ITPRID1: variants seen among roughly 807,000 people sequenced by gnomAD.
ITPRID1 encodes protein ITPRID1.
Under a neutral mutation model 95.4 loss-of-function variants are expected in ITPRID1, and 96 were observed. The observed-to-expected ratio is 1.01, with a 90% confidence interval of 0.85 to 1.19. The LOEUF is 1.19. Among genes scored for constraint, ITPRID1 ranks in the 50% most tolerant of loss-of-function variants. The pLI is 0.00. For missense variants in ITPRID1, 1,339 were observed against 1,252.9 expected (o/e 1.07, Z -1.04); for synonymous variants, 510 against 453.6 (o/e 1.12, Z -1.58).
intron 1 of ITPRID1, among the ~76,000 whole-genome samples, chr7:31,531,611 T>C (rs1217780903): frequency 6.6e-6 from 1 of 152,154 alleles, no homozygotes; most frequent in Non-Finnish European, 1.5e-5. Context: ...AGAAATGTAT[T>C]ACTCACAAGT....
At chr7:31,543,232 CAG>C (rs1280585107) in intron 1 of ITPRID1, among the ~76,000 whole-genome samples, 2 of 152,066 alleles carry the variant, frequency 1.3e-5, no homozygotes, top group South Asian at 4.2e-4. Context: ...ATAAGGAAAA[CAG>C]AGATTTTTCC....
chr7:31,557,079 A>G (rs1406345612), intron 5 of ITPRID1, among the ~76,000 whole-genome samples: 6 of 151,898 alleles, frequency 4.0e-5, no homozygotes, highest in African/African-American at 7.3e-5. Flanking sequence ...TCTTATAAAG[A>G]CACCAGTCAT....
chr7:31,540,391 C>T (rs1485593929), intron 1 of ITPRID1, among the ~76,000 whole-genome samples: 1 of 152,108 alleles, frequency 6.6e-6, no homozygotes, highest in Non-Finnish European at 1.5e-5. Flanking sequence ...GGCTTCAGGA[C>T]ACAGCTTATT....
intron 10 of ITPRID1, among the ~76,000 whole-genome samples, chr7:31,619,800 G>A (rs4446626): frequency 0.55 from 83,334 of 151,978 alleles, 23,333 homozygotes; most frequent in East Asian, 0.83. Flanking sequence ...GAAGCAGCGC[G>A]AGGCATTGCC....
At chr7:31,563,794 A>G (rs1583502690) in intron 5 of ITPRID1, among the ~76,000 whole-genome samples, 1 of 152,278 alleles carries the variant, frequency 6.6e-6, no homozygotes, top group East Asian at 1.9e-4. Context: ...GGTCAAAGAT[A>G]TCTGGAAATA....
At chr7:31,624,751 C>T (rs1435920135) in intron 10 of ITPRID1, among the ~76,000 whole-genome samples, 7 of 151,766 alleles carry the variant, frequency 4.6e-5, no homozygotes, top group African/African-American at 1.7e-4. Context: ...GCAATGGCAA[C>T]AAAAGCCAAA....
intron 10 of ITPRID1, among the ~76,000 whole-genome samples, chr7:31,608,380 G>A (rs1443666889): frequency 6.6e-6 from 1 of 151,812 alleles, no homozygotes; most frequent in Non-Finnish European, 1.5e-5. Flanking sequence ...GGGTCAGCTT[G>A]TCAATTTCCA....
At position 31,628,620 on chromosome 7, in the gene ITPRID1, G is replaced by A. The variant is rs768663855; in HGVS notation, c.1229-13556G>A. Among the ~76,000 whole-genome samples, 5 of 151,960 alleles carry A rather than the reference G, an allele frequency of 3.3e-5. No homozygotes were observed. The South Asian group carries it at 1.0e-3, about 32-fold the overall frequency. ...CTACAGGCGCCCGCCACCACGCCCC[G>A]CTAATTTTTGTATTTTTAGTAGAGA... On this transcript the variant is annotated intron_variant, in intron 10 of 14. Coordinates refer to ENST00000615280, the MANE Select transcript of ITPRID1 (RefSeq NM_001257967.3).
intron 1 of ITPRID1, among the ~76,000 whole-genome samples, chr7:31,521,884 C>A (rs575152931): frequency 6.7e-6 from 1 of 148,402 alleles, no homozygotes; most frequent in South Asian, 2.2e-4. Context: ...CAGGCATGGA[C>A]CTCCACATGG....
At chr7:31,571,014 C>A (rs1250348541) in intron 6 of ITPRID1, among the ~76,000 whole-genome samples, 7 of 137,740 alleles carry the variant, frequency 5.1e-5, no homozygotes. Context: ...AGGACAGGGC[C>A]CAGCTATTGT....
At chr7:31,603,399 C>G (rs964786152) in intron 10 of ITPRID1, among the ~76,000 whole-genome samples, 3 of 151,126 alleles carry the variant, frequency 2.0e-5, no homozygotes, top group Non-Finnish European at 3.0e-5. Context: ...CTTCCCTCCC[C>G]CTCCCCACCC....
intron 1 of ITPRID1, among the ~76,000 whole-genome samples, chr7:31,547,765 C>A (rs1784148431): frequency 6.6e-6 from 1 of 151,980 alleles, no homozygotes; most frequent in Non-Finnish European, 1.5e-5. Context: ...ATGAAGCACA[C>A]TAGAATAAAA....
At chr7:31,519,620 C>CTCTCTCTATATATATATATATATATA in intron 1 of ITPRID1, among the ~76,000 whole-genome samples, 5 of 25,264 alleles carry the variant, frequency 2.0e-4, no homozygotes, top group African/African-American at 4.2e-4. Flanking sequence ...CTCTCTCTCT[C>CTCTCTCTATATATATATATATATATA]TATATATATA....
In ITPRID1 at chr7:31,582,785, TA is replaced by T. The variant is rs1187164012; in HGVS notation, c.1171-346del. On this transcript the variant is annotated intron_variant, in intron 9 of 14. Transcript: ENST00000615280. ...ATTAAATTTTCTGAATTACTCTCCA[TA>T]AATTTATCAAGCCTTAATTAACTTT... Among the ~76,000 whole-genome samples, 4 of 152,308 alleles carry T rather than the reference TA, an allele frequency of 2.6e-5. No homozygotes were observed. The East Asian group carries it at 7.7e-4, about 29-fold the overall frequency.
chr7:31,606,495 C>T (rs1345786321), intron 10 of ITPRID1, among the ~76,000 whole-genome samples: 1 of 152,122 alleles, frequency 6.6e-6, no homozygotes, highest in Non-Finnish European at 1.5e-5. Flanking sequence ...AAAGATAACT[C>T]ATGATGGTTA....
At chr7:31,564,701 C>T (rs537549402) in intron 5 of ITPRID1, among the ~76,000 whole-genome samples, 6 of 152,234 alleles carry the variant, frequency 3.9e-5, no homozygotes, top group South Asian at 4.1e-4. Context: ...GCGTGAGCTT[C>T]CTGCTCTGAT....
intron 10 of ITPRID1, among the ~76,000 whole-genome samples, chr7:31,598,467 T>A (rs562177741): frequency 2.1e-5 from 3 of 145,888 alleles, no homozygotes; most frequent in African/African-American, 5.1e-5. Flanking sequence ...GCAGTGGCGC[T>A]ATCTCGGCTC....
chr7:31,554,288 C>A, intron 3 of ITPRID1, 187 bp from the exon 4 acceptor site: 1 of 1,081,912 alleles, frequency 9.2e-7, no homozygotes, highest in Non-Finnish European at 1.2e-6. Context: ...ACACTTCATT[C>A]TCAGGAAAGG....
At chr7:31,614,352 C>T (rs924108612) in intron 10 of ITPRID1, among the ~76,000 whole-genome samples, 5 of 152,094 alleles carry the variant, frequency 3.3e-5, no homozygotes, top group African/African-American at 7.2e-5. Context: ...GAGGGCGAGG[C>T]TCAACTTTAG....
Sources: allele counts gnomAD v4.1 joint callset (sites outside exome capture counted in the v4.1 genomes callset), GRCh38; gene constraint gnomAD v4.1.1; transcripts MANE v1.5; gene names NCBI Gene and HGNC (gene_info 2026-07-23, HGNC 2026-07-21).